The following PLCD1 variants were observed in gnomAD, a reference collection of about 807,000 sequenced individuals.
PLCD1 encodes the protein phospholipase C delta 1, also known as 1-phosphatidylinositol 4,5-bisphosphate phosphodiesterase delta-1.
PLCD1 carries 71 observed loss-of-function variants against 87.4 expected under a neutral mutation model. The observed-to-expected ratio is 0.81, with a 90% confidence interval of 0.67 to 0.99. PLCD1 has a LOEUF of 0.99. Ranked by LOEUF, PLCD1 falls within the 50% of genes least tolerant of loss-of-function variation. The probability of loss-of-function intolerance (pLI) is 0.00; values close to 1 mark genes in which losing one functional copy is unlikely to be tolerated. For missense variants in PLCD1, 867 were observed against 1,001.5 expected (o/e 0.87, Z 1.81); for synonymous variants, 348 against 399.2 (o/e 0.87, Z 1.53).
intron 3 of PLCD1, among the ~76,000 whole-genome samples, chr3:38,012,763 C>T (rs1262504028): frequency 6.6e-6 from 1 of 151,892 alleles, no homozygotes; most frequent in Admixed American, 6.6e-5. Context: ...GTGATCCACC[C>T]GCCTTGGCCT....
rs137893579 is a variant in PLCD1, at chr3:38,009,422, G to A, written c.1456C>T (p.Leu486Phe). 2 of 1,614,216 alleles carry A rather than the reference G, an allele frequency of 1.2e-6. No homozygotes were observed. The highest frequency in any genetic ancestry group is 1.7e-6 in the Non-Finnish European group (2 of 1,180,036). ...RVQHKPKEDK[L>F]RLAQELSDMV... ...TCAGAGAGCTCCTGTGCTAGCCTGAGCTTGTCCTCCTGGGGAACACGGGGA... is the reference window on the plus strand; with the variant it reads ...TCAGAGAGCTCCTGTGCTAGCCTGAACTTGTCCTCCTGGGGAACACGGGGA... Residue 486 changes from leucine to phenylalanine, a missense_variant, in exon 10 of 15, where the codon CTC (leucine) becomes TTC (phenylalanine). Coordinates refer to ENST00000334661, the MANE Select transcript of PLCD1 (RefSeq NM_006225.4).
intron 3 of PLCD1, among the ~76,000 whole-genome samples, chr3:38,013,084 T>A (rs569917233): frequency 6.6e-6 from 1 of 151,976 alleles, no homozygotes; most frequent in East Asian, 1.9e-4. Flanking sequence ...GAGATGGGGT[T>A]TTGCCACGTT....
intron 1 of PLCD1, among the ~76,000 whole-genome samples, chr3:38,027,141 G>A (rs1202484865): frequency 6.6e-6 from 1 of 152,198 alleles, no homozygotes; most frequent in African/African-American, 2.4e-5. Flanking sequence ...GGATGCTGTC[G>A]CATCAGTCTG....
At chr3:38,028,304 T>C (rs1575360091) in intron 1 of PLCD1, among the ~76,000 whole-genome samples, 1 of 152,158 alleles carries the variant, frequency 6.6e-6, no homozygotes, top group African/African-American at 2.4e-5. Context: ...CTAGACAAGG[T>C]GGCTTTAAGG....
Position 38,009,944 on chromosome 3 carries a change from C to T in PLCD1, c.1247G>A (p.Arg416Gln), listed in dbSNP as rs374649877. The change falls in exon 8 of 15, where the codon CGA becomes CAA. Residue 416 changes from arginine to glutamine, a missense_variant. Transcript: ENST00000334661. ...GCTGTTGGTGACCCCATCCAGTGGT[C>T]GGTTCAACAGCATGGGGCCCAGGAT... ...HAILGPMLLN[R>Q]PLDGVTNSLP... is the part of the protein sequence containing the mutation. 9.9e-6 allele frequency: 16 copies of T among 1,612,962 alleles called. No individual in the cohort carries two copies. The Admixed American group carries it at 1.7e-4, about 17-fold the overall frequency.
intron 1 of PLCD1, among the ~76,000 whole-genome samples, chr3:38,029,255 C>G (rs1489450214): frequency 1.3e-5 from 2 of 152,222 alleles, no homozygotes; most frequent in African/African-American, 4.8e-5. Flanking sequence ...TCTTTAGACC[C>G]GTACCGCCCG....
chr3:38,013,772 T>G (rs909089829), intron 3 of PLCD1, among the ~76,000 whole-genome samples: 2 of 152,230 alleles, frequency 1.3e-5, no homozygotes, highest in Non-Finnish European at 2.9e-5. Flanking sequence ...AAAGGTGGGA[T>G]TATGACAAAA....
In PLCD1 at chr3:38,016,719, A is replaced by G. The variant is rs1005029860; in HGVS notation, c.200T>C (p.Phe67Ser). ...KVMRTPESQL[F>S]SIEDIQEVRM... ...CACCTCCTGAATGTCCTCGATGGAG[A>G]CTGCGAGAGGGGGATGGTGGAGGAG... Residue 67 changes from phenylalanine to serine, a missense_variant and splice_region_variant, in exon 3 of 15, where the codon TTC becomes TCC. Phe to Ser is a radical substitution (Grantham distance 155). Transcript: ENST00000334661. The G allele has an allele frequency of 2.6e-6, 4 of 1,548,494 alleles. No individual in the cohort carries two copies. Among genetic ancestry groups the G allele is most frequent in the Admixed American group, 3.9e-5 (2 of 51,118 alleles).
chr3:38,029,393 G>A (rs945521089), intron 1 of PLCD1, 113 bp downstream of exon 1: 234 of 921,020 alleles, frequency 2.5e-4, no homozygotes, highest in Non-Finnish European at 3.7e-4. Context: ...AGGCGGGCCC[G>A]GGGTGGTGTG....
chr3:38,028,508 A>T (rs137917958), intron 1 of PLCD1, among the ~76,000 whole-genome samples: 2 of 152,278 alleles, frequency 1.3e-5, no homozygotes, highest in Non-Finnish European at 2.9e-5. Flanking sequence ...TCTCTTTCCC[A>T]TCTATTATGT....
At position 38,016,696 on chromosome 3, in the gene PLCD1, C is replaced by A. The variant is rs1375677417; in HGVS notation, c.223G>T (p.Val75Leu). ...QLFSIEDIQE[V>L]RMGHRTEGLE... ...CCCTCCGTGCGGTGCCCCATTCGCA[C>A]CTCCTGAATGTCCTCGATGGAGACT... The change falls in exon 3 of 15, where the codon GTG (valine) becomes TTG (leucine). Residue 75 changes from valine (V) to leucine (L), a missense_variant. Coordinates refer to ENST00000334661, the MANE Select transcript of PLCD1 (RefSeq NM_006225.4). The A allele has an allele frequency of 5.1e-6, 8 of 1,564,380 alleles. No individual in the cohort carries two copies. The highest frequency in any genetic ancestry group is 6.9e-6 in the Non-Finnish European group (8 of 1,153,412).
At position 38,017,574 on chromosome 3, in the gene PLCD1, A is replaced by G. The variant is rs901168917; in HGVS notation, c.200-855T>C. ...CAGGCCCTGTCTACCCCCGCTTCCAATGTGCCCTCCATGGCCTGGCCAGGA... is the reference window on the plus strand; with the variant it reads ...CAGGCCCTGTCTACCCCCGCTTCCAGTGTGCCCTCCATGGCCTGGCCAGGA... On this transcript the variant is annotated intron_variant, in intron 2 of 14. Coordinates refer to ENST00000334661, the MANE Select transcript of PLCD1 (RefSeq NM_006225.4). This position sits in a 1 kb window ranked among gnomAD's most constrained non-coding sequence, Gnocchi z 4.7. Among the ~76,000 whole-genome samples, 1 of 152,008 alleles carries G rather than the reference A, an allele frequency of 6.6e-6. No individual in the cohort carries two copies. Among genetic ancestry groups the G allele is most frequent in the African/African-American group, 2.4e-5 (1 of 41,392 alleles).
chr3:38,016,876 G>A (rs930931842), intron 2 of PLCD1, among the ~76,000 whole-genome samples, 157 bp from the exon 3 acceptor site: 4 of 152,210 alleles, frequency 2.6e-5, no homozygotes, highest in African/African-American at 9.7e-5. Context: ...AAGGAGAGGG[G>A]CAGGAGGTTG....
chr3:38,013,896 G>A (rs2125546429), intron 3 of PLCD1, among the ~76,000 whole-genome samples: 1 of 152,282 alleles, frequency 6.6e-6, no homozygotes, highest in South Asian at 2.1e-4. Context: ...GAAATTAACA[G>A]GGCTCAAAAT....
rs58677846 is a variant in PLCD1, at chr3:38,016,993, G to C, written c.200-274C>G. Among the ~76,000 whole-genome samples, 85,148 of 151,872 alleles carry C rather than the reference G, an allele frequency of 0.56. 24,838 individuals are homozygous for C. Among genetic ancestry groups the C allele is most frequent in the South Asian group, 0.7 (3,370 of 4,800 alleles). ...GTGGAGACACACAGGGAGAGACAGA[G>C]AGTGAGAGAAAGACAGACTTTAGGG... On this transcript the variant is annotated intron_variant, in intron 2 of 14. Transcript: ENST00000334661.
chr3:38,013,973 C>T (rs1013719872), intron 3 of PLCD1, among the ~76,000 whole-genome samples: 4 of 152,058 alleles, frequency 2.6e-5, no homozygotes, highest in Admixed American at 2.0e-4. Flanking sequence ...GAAAACATTT[C>T]CATTTACAGT....
chr3:38,008,137 A>G lies in PLCD1; in HGVS notation c.2062T>C (p.Phe688Leu). The G allele has an allele frequency of 1.2e-6, 2 of 1,613,960 alleles. No homozygotes were observed. Among genetic ancestry groups the G allele is most frequent in the Non-Finnish European group, 1.7e-6 (2 of 1,180,024 alleles). Reference sequence around the variant, plus strand: ...TCAGGCACAACTACCTCAAACGCAAACTCCGTGTCCCACCATGGGTTGAAA... The same window carrying G: ...TCAGGCACAACTACCTCAAACGCAAGCTCCGTGTCCCACCATGGGTTGAAA... ...NGFNPWWDTE[F>L]AFEVVVPDLA... Residue 688 changes from phenylalanine to leucine, a missense_variant, in exon 14 of 15, where the codon TTT becomes CTT. By Grantham distance (22) the Phe-to-Leu change is conservative. Transcript: ENST00000334661.
chr3:38,019,587 T>C (rs1401951746), intron 2 of PLCD1, among the ~76,000 whole-genome samples: 1 of 152,128 alleles, frequency 6.6e-6, no homozygotes, highest in African/African-American at 2.4e-5. Flanking sequence ...CCTGAGGCCT[T>C]GCAGGAGGCT....
At chr3:38,016,809 G>A in intron 2 of PLCD1, 90 bp from the exon 3 acceptor site, 1 of 919,696 alleles carries the variant, frequency 1.1e-6, no homozygotes, top group South Asian at 1.4e-5. Context: ...AGTAGAGAGG[G>A]GCATGGCTTG....
Sources: gnomAD v4.1 joint callset for allele counts (sites outside exome capture counted in the v4.1 genomes callset) on GRCh38, gnomAD v4.1.1 for gene constraint, Gnocchi (gnomAD v3.1) non-coding constraint, MANE v1.5 for transcripts, NCBI Gene and HGNC (gene_info 2026-07-23, HGNC 2026-07-21) for gene names.